Variants in DCDC2 observed in about 807,000 individuals in gnomAD.
DCDC2 encodes doublecortin domain-containing protein 2.
In DCDC2, 40 loss-of-function variants were observed where a neutral mutation model predicts 50.2. That is an observed-to-expected ratio of 0.80 (90% CI 0.62 to 1.04). The LOEUF (loss-of-function observed/expected upper bound fraction) is 1.04. Among genes scored for constraint, DCDC2 ranks in the 50% least tolerant of loss-of-function variants. The pLI is 0.00. For missense variants in DCDC2, 570 were observed against 581.9 expected (o/e 0.98, Z 0.21); for synonymous variants, 234 against 210.6 (o/e 1.11, Z -0.96).
chr6:24,195,741 T>G (rs1286293416), intron 8 of DCDC2, among the ~76,000 whole-genome samples: 4 of 152,134 alleles, frequency 2.6e-5, no homozygotes, highest in Non-Finnish European at 5.9e-5. Flanking sequence ...GGAGGCAAAA[T>G]CACCACAAGT....
intron 2 of DCDC2, among the ~76,000 whole-genome samples, chr6:24,349,267 T>C (rs747040218): frequency 2.6e-5 from 4 of 152,252 alleles, no homozygotes; most frequent in Non-Finnish European, 5.9e-5. Flanking sequence ...GAATCACTTA[T>C]GATGTAGTAC....
intron 2 of DCDC2, among the ~76,000 whole-genome samples, chr6:24,338,503 C>T (rs753254415): frequency 6.6e-6 from 1 of 152,194 alleles, no homozygotes; most frequent in Non-Finnish European, 1.5e-5. Flanking sequence ...AAATCTAATC[C>T]TTCCACCATC....
At chr6:24,284,644 A>C (rs1763555018) in intron 6 of DCDC2, among the ~76,000 whole-genome samples, 2 of 151,792 alleles carry the variant, frequency 1.3e-5, no homozygotes, top group East Asian at 1.9e-4. Flanking sequence ...TTTTGAAGCA[A>C]ATTATATCAC....
intron 2 of DCDC2, among the ~76,000 whole-genome samples, chr6:24,328,984 A>G (rs1219246613): frequency 1.1e-4 from 17 of 152,152 alleles, no homozygotes; most frequent in Non-Finnish European, 2.5e-4. Context: ...TCCAGTCTCC[A>G]CAGAGGAAAT....
intron 2 of DCDC2, among the ~76,000 whole-genome samples, chr6:24,341,105 G>T (rs1760147121): frequency 6.6e-6 from 1 of 152,162 alleles, no homozygotes; most frequent in Admixed American, 6.5e-5. Context: ...GGCCATAGAG[G>T]TTCACAGATC....
At chr6:24,250,739 A>G (rs1762779076) in intron 7 of DCDC2, among the ~76,000 whole-genome samples, 1 of 148,450 alleles carries the variant, frequency 6.7e-6, no homozygotes, top group Non-Finnish European at 1.5e-5. Flanking sequence ...CTACCCTATT[A>G]ATTCAAGAAA....
chr6:24,379,187 T>C, the DCDC2 span, among the ~76,000 whole-genome samples: 3 of 152,050 alleles, frequency 2.0e-5, no homozygotes, highest in African/African-American at 7.2e-5. Context: ...AAAGCCAAAA[T>C]AGAAATCTAA....
intron 2 of DCDC2, among the ~76,000 whole-genome samples, chr6:24,333,982 G>A (rs1235642298): frequency 3.3e-5 from 5 of 152,206 alleles, no homozygotes; most frequent in Admixed American, 2.0e-4. Flanking sequence ...GAAGTGAAGA[G>A]AGGAGAAGGA....
chr6:24,238,855 C>T (rs528697061), intron 7 of DCDC2, among the ~76,000 whole-genome samples: 1 of 152,288 alleles, frequency 6.6e-6, no homozygotes, highest in East Asian at 1.9e-4. Context: ...CAAGAAGGGG[C>T]TGGTTCATTT....
chr6:24,293,691 A>T (rs115920338), intron 4 of DCDC2, among the ~76,000 whole-genome samples: 1,742 of 152,264 alleles, frequency 0.011, 36 homozygotes, highest in African/African-American at 0.038. Flanking sequence ...GATGTGATAA[A>T]CCTCTATGGA....
intron 2 of DCDC2, among the ~76,000 whole-genome samples, chr6:24,337,797 C>CAAAA (rs34344592): frequency 2.6e-4 from 33 of 126,596 alleles, no homozygotes; most frequent in Admixed American, 7.5e-4. Context: ...GACTCCGTCT[C>CAAAA]AAAAAAAAAA....
chr6:24,361,412 CT>C (rs1290827813), upstream of DCDC2, among the ~76,000 whole-genome samples: 1 of 151,484 alleles, frequency 6.6e-6, no homozygotes, highest in Non-Finnish European at 1.5e-5. Context: ...ACATGTACCC[CT>C]GAACCTAAAA....
At chr6:24,175,576 A>C in intron 9 of DCDC2, among the ~76,000 whole-genome samples, 1 of 152,174 alleles carries the variant, frequency 6.6e-6, no homozygotes, top group East Asian at 1.9e-4. Context: ...GAAATTATAT[A>C]TATATATGAC....
chr6:24,184,825 T>C (rs1020898300), intron 8 of DCDC2, among the ~76,000 whole-genome samples: 1 of 152,202 alleles, frequency 6.6e-6, no homozygotes, highest in African/African-American at 2.4e-5. Context: ...TTTTGATCCT[T>C]ACTGTGCCTA....
intron 7 of DCDC2, among the ~76,000 whole-genome samples, chr6:24,232,460 A>G (rs1390357864): frequency 2.6e-5 from 4 of 152,216 alleles, no homozygotes; most frequent in Non-Finnish European, 5.9e-5. Context: ...CACCAATACT[A>G]AAGTGTAAGC....
intron 7 of DCDC2, among the ~76,000 whole-genome samples, chr6:24,243,806 C>T (rs1459178173): frequency 6.6e-6 from 1 of 152,122 alleles, no homozygotes; most frequent in East Asian, 1.9e-4. Context: ...CAAACAGAGG[C>T]AACCCCAAAC....
At chr6:24,265,368 A>T (rs529231054) in intron 7 of DCDC2, among the ~76,000 whole-genome samples, 127 of 152,288 alleles carry the variant, frequency 8.3e-4, no homozygotes, top group African/African-American at 2.6e-3. Flanking sequence ...TCATCCAGAC[A>T]GAAAATTAAC....
chr6:24,353,357 A>G (rs1254550547), intron 2 of DCDC2: 2 of 641,842 alleles, frequency 3.1e-6, no homozygotes, highest in South Asian at 3.0e-5. Context: ...TAATCTTGAC[A>G]TATCCTGCAC....
chr6:24,223,747 T>C (rs779117116), intron 7 of DCDC2, among the ~76,000 whole-genome samples: 2 of 152,346 alleles, frequency 1.3e-5, no homozygotes, highest in Non-Finnish European at 2.9e-5. Flanking sequence ...TAAATTACCA[T>C]GTGTCTGAGG....
Sources: allele counts gnomAD v4.1 joint callset (sites outside exome capture counted in the v4.1 genomes callset), GRCh38; gene constraint gnomAD v4.1.1; transcripts MANE v1.5; gene names NCBI Gene and HGNC (gene_info 2026-07-23, HGNC 2026-07-21).